ACOX1: variants seen among roughly 807,000 people sequenced by gnomAD.
ACOX1 encodes the protein peroxisomal acyl-coenzyme A oxidase 1.
A neutral mutation model predicts 75.5 loss-of-function variants in ACOX1; 41 were observed. That is an observed-to-expected ratio of 0.54 (90% CI 0.42 to 0.70). The LOEUF (loss-of-function observed/expected upper bound fraction) is 0.70, where lower values mean the gene tolerates loss of function less well. Among genes scored for constraint, ACOX1 ranks in the 30% least tolerant of loss-of-function variants. The pLI is 0.00. For synonymous variants in ACOX1, 303 were observed against 298.8 expected, an observed-to-expected ratio of 1.01 and a Z score of -0.15; for missense variants, 630 against 837.5, an observed-to-expected ratio of 0.75 and a Z score of 3.06.
intron 4 of ACOX1, among the ~76,000 whole-genome samples, chr17:75,957,025 CTCTG>C (rs2065839488): frequency 7.1e-6 from 1 of 141,588 alleles, no homozygotes; most frequent in African/African-American, 2.6e-5. Flanking sequence ...ACACACCTCT[CTCTG>C]TCTATATACA....
intron 4 of ACOX1, among the ~76,000 whole-genome samples, chr17:75,956,364 G>C (rs950375157): frequency 6.6e-6 from 1 of 152,032 alleles, no homozygotes; most frequent in Non-Finnish European, 1.5e-5. Context: ...TATATTCCAA[G>C]ATAATAACTC....
Position 75,943,216 on chromosome 17 carries a change from CAAA to C in ACOX1, c.*3529_*3531del, listed in dbSNP as rs572895309. On this transcript the variant is annotated 3_prime_UTR_variant, in exon 14 of 14. Coordinates refer to ENST00000293217, the MANE Select transcript of ACOX1 (RefSeq NM_004035.7). The stretch of plus-strand genomic sequence containing the variant: ...CATTCCCGCCTGGGAGACTCCATCT[CAAA>C]AAAAAAAAAAAAAAAATTAACATGT... The C allele has an allele frequency of 1.6e-4, 17 of 107,932 alleles. No individual in the cohort carries two copies. The highest frequency in any genetic ancestry group is 2.1e-4 in the Admixed American group (2 of 9,704). The allele number at this position is 107,932 out of a possible 1,614,324, so 6.7% of individuals were successfully genotyped here. A position where few individuals can be genotyped will look rare whatever the true frequency, so the allele number is the denominator to read the frequency against.
rs1221063213 is a variant in ACOX1, at chr17:75,950,886, A to T, written c.1186T>A (p.Cys396Ser). ...NTGIEACRMA[C>S]GGHGYSHCSG... ...CAATGAGAATAGCCATGCCCACCAC[A>T]AGCCATCCGACATGCTTCAATGCCA... Residue 396 changes from cysteine (C) to serine (S), a missense_variant, in exon 9 of 14, where the codon TGT becomes AGT. By Grantham distance (112) the Cys-to-Ser change is moderately radical (BLOSUM62 -1). Transcript: ENST00000293217. This position sits in a 1 kb window ranked among gnomAD's most constrained non-coding sequence, Gnocchi z 4.3. 3 of 1,614,046 alleles carry T rather than the reference A, an allele frequency of 1.9e-6. No homozygotes were observed. The African/African-American group carries it at 4.0e-5, about 22-fold the overall frequency.
intron 13 of ACOX1, among the ~76,000 whole-genome samples, chr17:75,947,194 AT>A (rs1293031750): frequency 6.6e-6 from 1 of 150,476 alleles, no homozygotes; most frequent in Non-Finnish European, 1.5e-5. Context: ...AAGAGTCCTT[AT>A]CTTTTAGAGC....
Position 75,978,496 on chromosome 17 carries a change from G to C in ACOX1, c.269+38C>G, listed in dbSNP as rs2066080176. 1.2e-6 allele frequency: 2 copies of C among 1,613,452 alleles called. No homozygotes were observed. Among genetic ancestry groups the C allele is most frequent in the East Asian group, 4.5e-5 (2 of 44,886 alleles). ...CCATAGACCGCAGCTGTAAAGTTTAGGCTTAACAACACTTGCTCTGTTCTA... is the reference window on the plus strand; with the variant it reads ...CCATAGACCGCAGCTGTAAAGTTTACGCTTAACAACACTTGCTCTGTTCTA... On this transcript the variant is annotated intron_variant, in intron 2 of 13. Coordinates refer to ENST00000293217, the MANE Select transcript of ACOX1 (RefSeq NM_004035.7). This position sits in a 1 kb window ranked among gnomAD's most constrained non-coding sequence, Gnocchi z 4.2.
At chr17:75,971,145 G>A (rs925979134) in intron 2 of ACOX1, among the ~76,000 whole-genome samples, 1 of 152,054 alleles carries the variant, frequency 6.6e-6, no homozygotes, top group Non-Finnish European at 1.5e-5. Context: ...TACAAAATTA[G>A]CCGGGCATGG....
chr17:75,971,893 T>G (rs965932837), intron 2 of ACOX1, among the ~76,000 whole-genome samples: 2 of 152,236 alleles, frequency 1.3e-5, no homozygotes, highest in African/African-American at 4.8e-5. Context: ...ATGAACAGCA[T>G]GACTGTTAAG....
chr17:75,961,811 G>A (rs2065891349), intron 2 of ACOX1, among the ~76,000 whole-genome samples: 1 of 151,740 alleles, frequency 6.6e-6, no homozygotes. Context: ...TTTGCTGGGT[G>A]TGGTGGCATG....
At chr17:75,971,474 ACT>A (rs1444175391) in intron 2 of ACOX1, among the ~76,000 whole-genome samples, 5 of 149,324 alleles carry the variant, frequency 3.3e-5, no homozygotes, top group African/African-American at 4.9e-5. Flanking sequence ...GGGCGTGGTG[ACT>A]CACACCTGTA....
intron 7 of ACOX1, among the ~76,000 whole-genome samples, chr17:75,951,917 C>T (rs1286212243): frequency 1.3e-5 from 2 of 148,432 alleles, no homozygotes; most frequent in African/African-American, 2.5e-5. Flanking sequence ...CAAGTTCAAG[C>T]GATTCTCTTG....
chr17:75,974,393 A>G (rs886745468), intron 2 of ACOX1, among the ~76,000 whole-genome samples: 1 of 152,212 alleles, frequency 6.6e-6, no homozygotes, highest in African/African-American at 2.4e-5. Context: ...TTTATCCCCA[A>G]TGGTCAATGA....
rs2066072586 is a variant in ACOX1 at position 75,978,103 on chromosome 17, T to C, written c.269+431A>G. Reference sequence around the variant, plus strand: ...ATAACTTTATTTATTTATTTATTTATTTATTTTTTGAGATGGAGTCTCGCA... The same window carrying C: ...ATAACTTTATTTATTTATTTATTTACTTATTTTTTGAGATGGAGTCTCGCA... On this transcript the variant is annotated intron_variant, in intron 2 of 13. Coordinates refer to ENST00000293217, the MANE Select transcript of ACOX1 (RefSeq NM_004035.7). The surrounding 1 kb of genome is among the most constrained non-coding windows in gnomAD (Gnocchi z 4.2). 1.3e-5 allele frequency among the ~76,000 whole-genome samples: 2 copies of C among 152,106 alleles called. No individual in the cohort carries two copies. The highest frequency in any genetic ancestry group is 2.9e-5 in the Non-Finnish European group (2 of 68,022).
intron 2 of ACOX1, chr17:75,973,249 T>G (rs2066013436): frequency 3.6e-6 from 1 of 278,020 alleles, no homozygotes; most frequent in Non-Finnish European, 7.1e-6. Context: ...ATCCACAGCT[T>G]TAACTGCATT....
intron 7 of ACOX1, among the ~76,000 whole-genome samples, chr17:75,951,808 CTTTTT>C (rs1029666749): frequency 2.5e-4 from 19 of 77,462 alleles, no homozygotes; most frequent in African/African-American, 1.1e-3. Flanking sequence ...TAAATTGAGG[CTTTTT>C]TTTTTTTTTT....
Position 75,949,212 on chromosome 17 carries a change from C to T in ACOX1, c.1728+5G>A. 1 of 1,614,116 alleles carries T rather than the reference C, an allele frequency of 6.2e-7. No individual in the cohort carries two copies. On this transcript the variant is annotated splice_donor_5th_base_variant and intron_variant, in intron 12 of 13. Coordinates refer to ENST00000293217, the MANE Select transcript of ACOX1 (RefSeq NM_004035.7). ...AAAAAAGACTTATACTTAGAAAATA[C>T]TGACCTGAAGGAAATCCCCCGCGTT...
Position 75,950,588 on chromosome 17 carries a change from C to T in ACOX1, c.1298+186G>A, listed in dbSNP as rs1350562463. Among the ~76,000 whole-genome samples, 1 of 152,122 alleles carries T rather than the reference C, an allele frequency of 6.6e-6. No individual in the cohort carries two copies. The highest frequency in any genetic ancestry group is 1.9e-4 in the East Asian group (1 of 5,198). ...CTTGATACAACTGCAAGCTATGTAA[C>T]AGGTGCTTCATACTCTCTAGCCTCA... On this transcript the variant is annotated intron_variant, in intron 9 of 13. Transcript: ENST00000293217. This position sits in a 1 kb window ranked among gnomAD's most constrained non-coding sequence, Gnocchi z 4.3.
intron 2 of ACOX1, among the ~76,000 whole-genome samples, chr17:75,975,308 G>A (rs1021753875): frequency 2.6e-5 from 4 of 151,854 alleles, no homozygotes; most frequent in African/African-American, 4.8e-5. Context: ...ATAGGCGTGT[G>A]CCACCAAGCC....
chr17:75,973,455 G>C, intron 2 of ACOX1: 1 of 719,136 alleles, frequency 1.4e-6, no homozygotes, highest in Non-Finnish European at 2.5e-6. Flanking sequence ...CAGAGCCCTG[G>C]ACCAGTTTCC....
intron 2 of ACOX1, among the ~76,000 whole-genome samples, chr17:75,967,126 T>C (rs1157702054): frequency 6.7e-6 from 1 of 149,738 alleles, no homozygotes; most frequent in East Asian, 2.0e-4. Context: ...TCTCACTCTG[T>C]ATCATATACA....
Sources: gnomAD v4.1 joint callset for allele counts (sites outside exome capture counted in the v4.1 genomes callset) on GRCh38, gnomAD v4.1.1 for gene constraint, Gnocchi (gnomAD v3.1) non-coding constraint, MANE v1.5 for transcripts, NCBI Gene and HGNC (gene_info 2026-07-23, HGNC 2026-07-21) for gene names.